NAV3: variants seen among roughly 807,000 people sequenced by gnomAD.
NAV3 encodes the protein neuron navigator 3.
Under a neutral mutation model 244.7 loss-of-function variants are expected in NAV3, and 87 were observed. The observed-to-expected ratio is 0.36, with a 90% CI of 0.30 to 0.42. The LOEUF is 0.42. NAV3 is among the 20% of genes least tolerant of loss of function. The pLI is 1.00. For synonymous variants in NAV3, 1,126 were observed against 1,042.2 expected (o/e 1.08, Z -1.55); for missense variants, 2,663 against 2,893.3 (o/e 0.92, Z 1.83).
intron 2 of NAV3, among the ~76,000 whole-genome samples, chr12:77,746,182 T>C (rs1868533540): frequency 6.6e-6 from 1 of 151,888 alleles, no homozygotes; most frequent in Admixed American, 6.6e-5. Context: ...ACATCAGGAG[T>C]TGGCAAACAT....
intron 2 of NAV3, among the ~76,000 whole-genome samples, chr12:77,814,709 A>G (rs535279948): frequency 6.6e-5 from 10 of 152,244 alleles, no homozygotes; most frequent in African/African-American, 2.4e-4. Flanking sequence ...ACCTGTGATT[A>G]AAAACCAACA....
At chr12:77,572,898 C>A (rs1214894298) in intron 2 of NAV3, among the ~76,000 whole-genome samples, 1 of 141,982 alleles carries the variant, frequency 7.0e-6, no homozygotes, top group Non-Finnish European at 1.6e-5. Context: ...TGTACTTCAC[C>A]TTCATTTTTC....
chr12:77,691,335 G>GTATA lies in NAV3; in HGVS notation c.72+119070_72+119071insATAT, dbSNP rs1455098694. 7.3e-4 allele frequency among the ~76,000 whole-genome samples: 76 copies of GTATA among 103,458 alleles called. 2 individuals carry two copies. The highest frequency in any genetic ancestry group is 2.6e-3 in the African/African-American group (75 of 28,710). The allele number at this position is 103,458 out of a possible 152,430, so 67.9% of individuals were successfully genotyped here. On this transcript the variant is annotated intron_variant, in intron 2 of 8. Coordinates refer to the NAV3 transcript ENST00000550042. Reference sequence around the variant, plus strand: ...GTCATATATAAGTATTTGTGTATGTGTGTATATATATATATATATACATAT... The same window carrying GTATA: ...GTCATATATAAGTATTTGTGTATGTGTATATGTATATATATATATATATACATAT...
intron 2 of NAV3, among the ~76,000 whole-genome samples, chr12:77,615,135 A>G (rs1315093599): frequency 6.6e-6 from 1 of 152,130 alleles, no homozygotes; most frequent in Non-Finnish European, 1.5e-5. Flanking sequence ...AATGCAATCA[A>G]TTTTCTTCAA....
chr12:77,767,188 CTT>C (rs1869822068), intron 2 of NAV3, among the ~76,000 whole-genome samples: 1 of 152,124 alleles, frequency 6.6e-6, no homozygotes, highest in Admixed American at 6.5e-5. Flanking sequence ...CTCACTAAGT[CTT>C]AACTTTGATC....
intron 1 of NAV3, among the ~76,000 whole-genome samples, chr12:77,919,989 T>C (rs1255925106): frequency 4.6e-5 from 7 of 152,132 alleles, no homozygotes; most frequent in Non-Finnish European, 8.8e-5. Context: ...ATGCTGTAAT[T>C]TGGCAGGTTT....
At chr12:78,095,075 A>ATATATG (rs1566123706) in intron 12 of NAV3, among the ~76,000 whole-genome samples, 1 of 146,988 alleles carries the variant, frequency 6.8e-6, no homozygotes, top group Non-Finnish European at 1.5e-5. Flanking sequence ...ACACACACAC[A>ATATATG]CACACACACA....
chr12:77,829,428 CACAAGTTCTA>C (rs1873362218), upstream of NAV3, among the ~76,000 whole-genome samples: 1 of 152,118 alleles, frequency 6.6e-6, no homozygotes, highest in African/African-American at 2.4e-5. Flanking sequence ...CAATTTTTCC[CACAAGTTCTA>C]TTATTTAGGT....
intron 7 of NAV3, among the ~76,000 whole-genome samples, chr12:77,999,793 G>GAA (rs200295675): frequency 7.0e-6 from 1 of 142,616 alleles, no homozygotes; most frequent in East Asian, 2.0e-4. Flanking sequence ...TCGCTCATCA[G>GAA]AAAAAAAAAA....
chr12:78,128,854 T>C lies in NAV3; in HGVS notation c.4429T>C (p.Phe1477Leu). 2.5e-6 allele frequency: 4 copies of C among 1,613,160 alleles called. No individual in the cohort carries two copies. The highest frequency in any genetic ancestry group is 3.4e-6 in the Non-Finnish European group (4 of 1,179,706). ...ATCTTCTGCAGCTGGAAAATACCAC[T>C]TTTCTAACTTGGGTAAAATATTCTA... is the stretch of plus-strand genomic sequence containing the variant. ...MSSSAAGKYH[F>L]SNLVSPTNLS... The change falls in exon 18 of 40, where the codon TTT becomes CTT. Residue 1477 changes from phenylalanine (F) to leucine (L), a missense_variant. Around this residue, in one of 6 missense-constraint regions of NAV3, gnomAD observed 354 missense variants for 413.0 expected, o/e 0.86. Transcript: ENST00000397909.
chr12:78,181,884 A>T (rs1459078131), intron 30 of NAV3, among the ~76,000 whole-genome samples: 8 of 152,046 alleles, frequency 5.3e-5, no homozygotes, highest in African/African-American at 1.2e-4. Flanking sequence ...TGGCATGCTG[A>T]TATTGATTAC....
chr12:77,962,451 T>A (rs1892112592), intron 3 of NAV3, among the ~76,000 whole-genome samples: 1 of 152,156 alleles, frequency 6.6e-6, no homozygotes. Flanking sequence ...TCATCCTTCT[T>A]GTGATTAAAG....
chr12:77,670,577 G>A (rs1200963699), intron 2 of NAV3, among the ~76,000 whole-genome samples: 1 of 151,906 alleles, frequency 6.6e-6, no homozygotes, highest in South Asian at 2.1e-4. Context: ...CATATCAAAA[G>A]GATAATCCAC....
intron 7 of NAV3, among the ~76,000 whole-genome samples, chr12:78,000,434 G>GTATTTCCAAA (rs1873051110): frequency 6.6e-6 from 1 of 150,474 alleles, no homozygotes; most frequent in Non-Finnish European, 1.5e-5. Flanking sequence ...ATGTCATGCT[G>GTATTTCCAAA]TATTTCCAAA....
intron 2 of NAV3, among the ~76,000 whole-genome samples, chr12:77,741,148 C>CAAAAAAAAAAAAAAAAGAAA (rs1868322686): frequency 1.5e-5 from 1 of 68,668 alleles, no homozygotes; most frequent in African/African-American, 5.9e-5. Flanking sequence ...AAAAAAAAGA[C>CAAAAAAAAAAAAAAAAGAAA]AAAAAAAAAA....
At chr12:78,191,822 A>G (rs1314572767) in intron 34 of NAV3, among the ~76,000 whole-genome samples, 1 of 152,152 alleles carries the variant, frequency 6.6e-6, no homozygotes, top group East Asian at 1.9e-4. Context: ...AAGGCCTCTT[A>G]GTCATCCTCA....
At chr12:78,117,888 A>G in intron 13 of NAV3, 139 bp from the exon 14 acceptor site, 4 of 875,538 alleles carry the variant, frequency 4.6e-6, no homozygotes, top group Non-Finnish European at 6.4e-6. Context: ...TGTGGCTAAA[A>G]TTAATAAAAT....
At chr12:77,640,534 T>G (rs1473135404) in intron 2 of NAV3, among the ~76,000 whole-genome samples, 1 of 152,192 alleles carries the variant, frequency 6.6e-6, no homozygotes, top group East Asian at 1.9e-4. Context: ...TTTTTCTCTC[T>G]GTATTTTTGC....
intron 2 of NAV3, among the ~76,000 whole-genome samples, chr12:77,646,053 G>C (rs1378491604): frequency 6.6e-6 from 1 of 152,002 alleles, no homozygotes; most frequent in African/African-American, 2.4e-5. Context: ...ATTTACTTAA[G>C]GTATACAACA....
Sources: allele counts gnomAD v4.1 joint callset (sites outside exome capture counted in the v4.1 genomes callset), GRCh38; gene constraint gnomAD v4.1.1; regional missense constraint gnomAD v4.1.1; transcripts MANE v1.5; gene names NCBI Gene and HGNC (gene_info 2026-07-23, HGNC 2026-07-21).